Variants in PYHIN1 observed in about 807,000 individuals in gnomAD.
PYHIN1 encodes the protein pyrin and HIN domain-containing protein 1.
A neutral mutation model predicts 43.7 loss-of-function variants in PYHIN1; 32 were observed. That is an observed-to-expected ratio of 0.73 (90% CI 0.55 to 0.98). The LOEUF (loss-of-function observed/expected upper bound fraction) is 0.98. Ranked by LOEUF, PYHIN1 falls within the 50% of genes least tolerant of loss-of-function variation. The pLI is 0.00. For synonymous variants in PYHIN1, 205 were observed against 203.1 expected (o/e 1.01, Z -0.08); for missense variants, 588 against 589.5 (o/e 1.00, Z 0.03).
rs1369044750 is a variant in PYHIN1, at chr1:158,976,739, T to A, written c.*44T>A. 2 of 1,602,490 alleles carry A rather than the reference T, an allele frequency of 1.2e-6. No individual in the cohort carries two copies. Among genetic ancestry groups the A allele is most frequent in the East Asian group, 4.5e-5 (2 of 44,540 alleles). ...AGGATATCAAATAACTACTGTTCAA[T>A]CTTTACTCAAGTGTGGAAATTTTGC... On this transcript the variant is annotated 3_prime_UTR_variant, in exon 9 of 9. Transcript: ENST00000368140.
chr1:158,937,817 G>A (rs1402055764), intron 2 of PYHIN1, among the ~76,000 whole-genome samples: 1 of 152,148 alleles, frequency 6.6e-6, no homozygotes, highest in South Asian at 2.1e-4. Flanking sequence ...GTGGTGGCAG[G>A]CACCTGTAGT....
At chr1:158,950,473 G>C (rs1050755249) in intron 7 of PYHIN1, among the ~76,000 whole-genome samples, 2 of 152,136 alleles carry the variant, frequency 1.3e-5, no homozygotes, top group Non-Finnish European at 2.9e-5. Context: ...GATATGGTTT[G>C]ATGTGTCATG....
the PYHIN1 span, among the ~76,000 whole-genome samples, chr1:158,987,404 A>G: frequency 3.9e-5 from 6 of 152,112 alleles, no homozygotes; most frequent in Non-Finnish European, 7.4e-5. Context: ...TTTTTTATTT[A>G]GGTGGTCTTT....
chr1:158,952,018 G>A (rs185102209), intron 7 of PYHIN1, among the ~76,000 whole-genome samples: 3 of 152,154 alleles, frequency 2.0e-5, no homozygotes, highest in Admixed American at 1.3e-4. Context: ...ATTTTGCTGT[G>A]GTCCGCCTGC....
intron 4 of PYHIN1, chr1:158,940,382 A>C (rs1296347711): frequency 6.6e-6 from 1 of 151,074 alleles, no homozygotes; most frequent in African/African-American, 2.4e-5. Flanking sequence ...GTGATGGAAT[A>C]GGGAAGAGAG....
chr1:158,938,960 T>C (rs192564340), intron 3 of PYHIN1, 120 bp from the exon 4 acceptor site: 28 of 689,758 alleles, frequency 4.1e-5, no homozygotes, highest in Admixed American at 7.3e-5. Flanking sequence ...GGCCTGGGGA[T>C]GTACTTAAGT....
chr1:158,938,284 TA>T, intron 2 of PYHIN1, 112 bp from the exon 3 acceptor site: 2 of 1,180,616 alleles, frequency 1.7e-6, no homozygotes, highest in Non-Finnish European at 2.4e-6. Flanking sequence ...AGAGATAGAC[TA>T]AAATACACCT....
chr1:158,966,603 C>G (rs1650647386), intron 7 of PYHIN1, among the ~76,000 whole-genome samples: 1 of 151,830 alleles, frequency 6.6e-6, no homozygotes, highest in Non-Finnish European at 1.5e-5. Flanking sequence ...TAAACAGAAC[C>G]AAAAAGCTAC....
At position 158,933,781 on chromosome 1, in the gene PYHIN1, T is replaced by C. The variant is rs1186115144; in HGVS notation, c.-21+2005T>C. 6.6e-6 allele frequency among the ~76,000 whole-genome samples: 1 copy of C among 152,104 alleles called. No homozygotes were observed. Among genetic ancestry groups the C allele is most frequent in the African/African-American group, 2.4e-5 (1 of 41,456 alleles). On this transcript the variant is annotated intron_variant, in intron 1 of 8. Transcript: ENST00000368140. This position sits in a 1 kb window ranked among gnomAD's most constrained non-coding sequence, Gnocchi z 6.3. ...TTCTTTTTCTTCCCTCCCTCCACCA[T>C]GTTGGTATACTTTCTGTTTCTCTTT...
chr1:158,978,570 A>G (rs1480673408), downstream of PYHIN1, among the ~76,000 whole-genome samples: 2 of 152,152 alleles, frequency 1.3e-5, no homozygotes, highest in Non-Finnish European at 2.9e-5. Context: ...ACTCAAATAC[A>G]TAATATTCAT....
intron 7 of PYHIN1, among the ~76,000 whole-genome samples, chr1:158,948,589 G>T (rs1649351272): frequency 1.3e-5 from 2 of 152,176 alleles, no homozygotes; most frequent in Admixed American, 6.5e-5. Context: ...TGCTGTAAGA[G>T]AAGTTTATTA....
intron 7 of PYHIN1, among the ~76,000 whole-genome samples, chr1:158,952,114 T>C (rs1026965930): frequency 6.7e-6 from 1 of 148,928 alleles, no homozygotes; most frequent in South Asian, 2.1e-4. Context: ...GTCGGTTTTT[T>C]TTTTTTTTTT....
At chr1:158,989,303 G>A in the PYHIN1 span, among the ~76,000 whole-genome samples, 36,413 of 152,038 alleles carry the variant, frequency 0.24, 4,947 homozygotes, top group Middle Eastern at 0.36. Flanking sequence ...TTGAGGTGAG[G>A]TGATTATATT....
At chr1:158,951,856 T>C (rs930088747) in intron 7 of PYHIN1, among the ~76,000 whole-genome samples, 1 of 152,226 alleles carries the variant, frequency 6.6e-6, no homozygotes, top group African/African-American at 2.4e-5. Flanking sequence ...ACCGTTTTAC[T>C]TAAATTGGAT....
At chr1:158,936,743 C>T (rs1003630802) in intron 1 of PYHIN1, 148 bp from the exon 2 acceptor site, 38 of 431,968 alleles carry the variant, frequency 8.8e-5, no homozygotes, top group Non-Finnish European at 1.2e-4. Context: ...CAATATCATA[C>T]TGAATGGAGA....
chr1:158,937,270 T>A, intron 2 of PYHIN1, 95 bp downstream of exon 2: 1 of 1,361,500 alleles, frequency 7.3e-7, no homozygotes. Flanking sequence ...GATACATCCT[T>A]TTCCCAATTT....
intron 7 of PYHIN1, among the ~76,000 whole-genome samples, chr1:158,958,064 T>C (rs1447891407): frequency 6.6e-6 from 1 of 152,172 alleles, no homozygotes; most frequent in Non-Finnish European, 1.5e-5. Context: ...AGATACCATC[T>C]CACACCAGTT....
rs1477871259 is a variant in PYHIN1 at position 158,933,322 on chromosome 1, C to T, written c.-21+1546C>T. Among the ~76,000 whole-genome samples, 1 of 150,944 alleles carries T rather than the reference C, an allele frequency of 6.6e-6. No individual in the cohort carries two copies. The highest frequency in any genetic ancestry group is 1.9e-4 in the East Asian group (1 of 5,186). Reference sequence around the variant, plus strand: ...CATTATATTATCATGAAGGACTATACAATAATGAAAAATAATATACATTTA... The same window carrying T: ...CATTATATTATCATGAAGGACTATATAATAATGAAAAATAATATACATTTA... On this transcript the variant is annotated intron_variant, in intron 1 of 8. Coordinates refer to ENST00000368140, the MANE Select transcript of PYHIN1 (RefSeq NM_152501.5). The surrounding 1 kb of genome is among the most constrained non-coding windows in gnomAD (Gnocchi z 6.3).
chr1:158,953,645 T>C (rs962137357), intron 7 of PYHIN1, among the ~76,000 whole-genome samples: 15 of 151,714 alleles, frequency 9.9e-5, no homozygotes, highest in African/African-American at 3.6e-4. Context: ...ACCACAAAGA[T>C]GGGGAAAAAA....
Sources: allele counts gnomAD v4.1 joint callset (sites outside exome capture counted in the v4.1 genomes callset), GRCh38; gene constraint gnomAD v4.1.1; non-coding constraint Gnocchi (gnomAD v3.1); transcripts MANE v1.5; gene names NCBI Gene and HGNC (gene_info 2026-07-23, HGNC 2026-07-21).